The following EPB41L5 variants were observed in gnomAD, a reference collection of about 807,000 sequenced individuals.
EPB41L5 encodes the protein erythrocyte membrane protein band 4.1 like 5.
Under a neutral mutation model 106.6 loss-of-function variants are expected in EPB41L5, and 55 were observed. The observed-to-expected ratio is 0.52, with a 90% CI of 0.42 to 0.65. The LOEUF is 0.65. Ranked by LOEUF, EPB41L5 falls within the 30% of genes least tolerant of loss-of-function variation. The probability of loss-of-function intolerance (pLI) is 0.00; values close to 1 mark genes in which losing one functional copy is unlikely to be tolerated. For synonymous variants in EPB41L5, 297 were observed against 306.7 expected (o/e 0.97, Z 0.33); for missense variants, 871 against 882.1 (o/e 0.99, Z 0.16).
rs530014036 is a variant in EPB41L5 at position 120,108,234 on chromosome 2, T to A, written c.1337+7420T>A. 3 of 152,232 alleles carry A rather than the reference T, an allele frequency of 2.0e-5. No individual in the cohort carries two copies. In the South Asian group the frequency reaches 6.2e-4, roughly 32 times the overall value. 9.4% of individuals were successfully genotyped at this position (152,232 alleles called of 1,614,324 possible). A position where few individuals can be genotyped will look rare whatever the true frequency, so the allele number is the denominator to read the frequency against. ...GGCCAGCATTGTGTTTATATTGGCA[T>A]GGAAAAGAGATATCTGATTCAGAGA... On this transcript the variant is annotated intron_variant, in intron 16 of 24. Transcript: ENST00000263713.
intron 3 of EPB41L5, among the ~76,000 whole-genome samples, chr2:120,054,660 A>C (rs563167099): frequency 6.6e-6 from 1 of 151,578 alleles, no homozygotes; most frequent in Admixed American, 6.6e-5. Flanking sequence ...TGATTCATTT[A>C]GAGTTAATTT....
intron 3 of EPB41L5, among the ~76,000 whole-genome samples, chr2:120,043,021 G>A (rs946991557): frequency 6.6e-6 from 1 of 150,956 alleles, no homozygotes; most frequent in Non-Finnish European, 1.5e-5. Context: ...GTGTGTGTGT[G>A]TGTGTGTGTG....
At chr2:120,101,587 A>T (rs1377631525) in intron 16 of EPB41L5, 1 of 151,930 alleles carries the variant, frequency 6.6e-6, no homozygotes, top group African/African-American at 2.4e-5. Context: ...TCTTGCTCTT[A>T]GTTTGTTTAG....
In EPB41L5 at chr2:120,085,351, T is replaced by G. The variant is rs144630640; in HGVS notation, c.804-1820T>G. Among the ~76,000 whole-genome samples the G allele has an allele frequency of 7.8e-3, 1,188 of 152,360 alleles. 12 individuals carry two copies. The highest frequency in any genetic ancestry group is 0.026 in the African/African-American group (1,092 of 41,588). ...GTTTTCCTTCCAACAGCTGCAGGTC[T>G]GTTGGAGTTTGCTGGAGGTCCACTC... On this transcript the variant is annotated intron_variant, in intron 10 of 24. Transcript: ENST00000263713.
At chr2:120,104,777 A>T (rs771019141) in intron 16 of EPB41L5, 113 of 901,292 alleles carry the variant, frequency 1.3e-4, no homozygotes, top group Non-Finnish European at 1.4e-4. Flanking sequence ...ATTTTTAATT[A>T]CAAACACTTT....
rs553749279 is a variant in EPB41L5 at position 120,178,652 on chromosome 2, G to A, written c.*3745G>A. 4 of 152,342 alleles carry A rather than the reference G, an allele frequency of 2.6e-5. 1 individual carries two copies. The South Asian group carries it at 6.2e-4, about 24-fold the overall frequency. 9.4% of individuals were successfully genotyped at this position (152,342 alleles called of 1,614,324 possible). On this transcript the variant is annotated 3_prime_UTR_variant, in exon 25 of 25. Coordinates refer to ENST00000263713, the MANE Select transcript of EPB41L5 (RefSeq NM_020909.4). Reference sequence around the variant, plus strand: ...TGGAAACTTTTCCTACATATTAGGCGTTAGTATGAGGACATTTGTTTGAAT... The same window carrying A: ...TGGAAACTTTTCCTACATATTAGGCATTAGTATGAGGACATTTGTTTGAAT...
chr2:120,074,265 A>T, intron 5 of EPB41L5, 87 bp downstream of exon 5: 1 of 968,616 alleles, frequency 1.0e-6, no homozygotes. Flanking sequence ...ATAGCCAGCT[A>T]ATAAAATGGA....
At chr2:120,134,128 C>G (rs528358264) in intron 18 of EPB41L5, among the ~76,000 whole-genome samples, 1 of 152,096 alleles carries the variant, frequency 6.6e-6, no homozygotes, top group Admixed American at 6.5e-5. Flanking sequence ...TGGGCAAGAC[C>G]TGGTACCATG....
At position 120,105,339 on chromosome 2, in the gene EPB41L5, A is replaced by G. The variant is rs530563233; in HGVS notation, c.1337+4525A>G. On this transcript the variant is annotated intron_variant, in intron 16 of 24. Coordinates refer to ENST00000263713, the MANE Select transcript of EPB41L5 (RefSeq NM_020909.4). ...ACATAGAAATTTATAGATATTTTATATTTCGAAGAGTTTATAATGCTTCAA... is the reference window on the plus strand; with the variant it reads ...ACATAGAAATTTATAGATATTTTATGTTTCGAAGAGTTTATAATGCTTCAA... 4.1e-6 allele frequency: 4 copies of G among 966,810 alleles called. No homozygotes were observed. In the African/African-American group the frequency reaches 7.0e-5, roughly 17 times the overall value. The allele number at this position is 966,810 out of a possible 1,614,324, so 59.9% of individuals were successfully genotyped here.
At chr2:120,037,155 C>T (rs1446348045) in intron 2 of EPB41L5, among the ~76,000 whole-genome samples, 1 of 151,190 alleles carries the variant, frequency 6.6e-6, no homozygotes, top group Admixed American at 6.6e-5. Context: ...TTAAGAAAAC[C>T]ATTTCATTTA....
chr2:120,053,923 C>T (rs1050746686), intron 3 of EPB41L5, among the ~76,000 whole-genome samples: 7 of 151,962 alleles, frequency 4.6e-5, no homozygotes, highest in African/African-American at 7.2e-5. Context: ...TAGCCAGGTG[C>T]GGTGGTGTGT....
At chr2:120,027,097 C>T (rs1294329686) in intron 2 of EPB41L5, among the ~76,000 whole-genome samples, 1 of 152,126 alleles carries the variant, frequency 6.6e-6, no homozygotes, top group Non-Finnish European at 1.5e-5. Context: ...ACTCTCAGAC[C>T]CTGCTGGTAG....
intron 3 of EPB41L5, among the ~76,000 whole-genome samples, chr2:120,042,998 TGTGTGTGTGTG>T (rs1679503444): frequency 0.014 from 1,737 of 127,520 alleles, 26 homozygotes; most frequent in East Asian, 0.016. Context: ...TCTGGAAATG[TGTGTGTGTGTG>T]TGTGTGTGTG....
At chr2:120,156,769 G>A (rs964748135) in intron 20 of EPB41L5, among the ~76,000 whole-genome samples, 1 of 152,190 alleles carries the variant, frequency 6.6e-6, no homozygotes, top group Non-Finnish European at 1.5e-5. Context: ...ACCCAATACA[G>A]GAGCACCCAG....
intron 2 of EPB41L5, among the ~76,000 whole-genome samples, chr2:120,027,489 A>G (rs1054937341): frequency 1.4e-4 from 21 of 152,226 alleles, no homozygotes; most frequent in Admixed American, 1.3e-3. Flanking sequence ...TCTGTAAGGG[A>G]AAGAAAATAG....
At chr2:120,081,444 C>T (rs574274120) in intron 10 of EPB41L5, among the ~76,000 whole-genome samples, 2 of 152,260 alleles carry the variant, frequency 1.3e-5, no homozygotes, top group South Asian at 2.1e-4. Flanking sequence ...TTTCCGAGGG[C>T]TCTGTTCTGT....
At chr2:120,095,344 T>C (rs111504325) in intron 14 of EPB41L5, among the ~76,000 whole-genome samples, 63 of 152,326 alleles carry the variant, frequency 4.1e-4, no homozygotes, top group African/African-American at 1.4e-3. Flanking sequence ...TTCCATGATA[T>C]AACCTTTTCA....
At chr2:120,068,089 T>G (rs1681571720) in intron 3 of EPB41L5, among the ~76,000 whole-genome samples, 1 of 152,168 alleles carries the variant, frequency 6.6e-6, no homozygotes, top group Non-Finnish European at 1.5e-5. Context: ...CCAGCTCATC[T>G]CATTGGGGCT....
intron 18 of EPB41L5, among the ~76,000 whole-genome samples, chr2:120,134,409 C>T (rs1685834599): frequency 6.6e-6 from 1 of 152,150 alleles, no homozygotes. Context: ...GGATTCACCA[C>T]TTGCTGACGG....
Sources: gnomAD v4.1 joint callset for allele counts (sites outside exome capture counted in the v4.1 genomes callset) on GRCh38, gnomAD v4.1.1 for gene constraint, MANE v1.5 for transcripts, NCBI Gene and HGNC (gene_info 2026-07-23, HGNC 2026-07-21) for gene names.